Variants in ALKBH8 observed in about 807,000 individuals in gnomAD.
ALKBH8 encodes the protein tRNA (carboxymethyluridine(34)-5-O)-methyltransferase ALKBH8.
ALKBH8 carries 36 observed loss-of-function variants against 59.8 expected under a neutral mutation model. The ratio of observed to expected loss-of-function variants is 0.60; its 90% CI spans 0.46 to 0.79. ALKBH8 has a LOEUF of 0.79. ALKBH8 is among the 30% of genes least tolerant of loss of function. The probability of loss-of-function intolerance (pLI) is 0.00; values close to 1 mark genes in which losing one functional copy is unlikely to be tolerated. For missense variants in ALKBH8, 768 were observed against 801.0 expected (o/e 0.96, Z 0.50); for synonymous variants, 276 against 273.6 (o/e 1.01, Z -0.09).
chr11:107,545,166 T>G (rs1006998745), intron 7 of ALKBH8, among the ~76,000 whole-genome samples: 2 of 152,118 alleles, frequency 1.3e-5, no homozygotes, highest in African/African-American at 4.8e-5. Flanking sequence ...GAATTTGAGG[T>G]TGGAGATGAA....
rs879189547 is a variant in ALKBH8 at position 107,532,305 on chromosome 11, G to A, written c.873C>T (p.Thr291=). The change falls in exon 8 of 12, where the codon ACC becomes ACT. Residue 291 remains threonine, a synonymous_variant. Transcript: ENST00000428149. ...TGTCATATTTCAATACATACCCATG[G>A]GTCCAAAGGTATCTAGATTCTCCTG... The part of the protein sequence containing the change: ...VMTGESRYLW[T]HGITCRKFDT... 1.2e-6 allele frequency: 2 copies of A among 1,611,530 alleles called. No homozygotes were observed. Among genetic ancestry groups the A allele is most frequent in the Middle Eastern group, 1.7e-4 (1 of 6,056 alleles).
chr11:107,534,248 C>A (rs1400744903), intron 7 of ALKBH8, among the ~76,000 whole-genome samples: 1 of 152,056 alleles, frequency 6.6e-6, no homozygotes, highest in African/African-American at 2.4e-5. Flanking sequence ...TTAATAGAAG[C>A]CAAGGCCCAC....
At chr11:107,522,917 G>A (rs1231047962) in intron 9 of ALKBH8, among the ~76,000 whole-genome samples, 2 of 152,052 alleles carry the variant, frequency 1.3e-5, no homozygotes, top group East Asian at 3.9e-4. Context: ...ACAGTACAGA[G>A]GTTCTTCAAA....
At chr11:107,557,466 G>A (rs184690785) in intron 2 of ALKBH8, among the ~76,000 whole-genome samples, 4 of 152,224 alleles carry the variant, frequency 2.6e-5, no homozygotes, top group Non-Finnish European at 5.9e-5. Flanking sequence ...TTTCATAGAA[G>A]AAGATCTGAC....
intron 6 of ALKBH8, 131 bp from the exon 7 acceptor site, chr11:107,549,954 T>C (rs1864423062): frequency 1.6e-6 from 1 of 610,592 alleles, no homozygotes; most frequent in Non-Finnish European, 2.8e-6. Flanking sequence ...ATAATTTTGG[T>C]TAAAAGGAAA....
At chr11:107,507,712 G>A (rs1862448945) in intron 11 of ALKBH8, among the ~76,000 whole-genome samples, 1 of 152,124 alleles carries the variant, frequency 6.6e-6, no homozygotes, top group Non-Finnish European at 1.5e-5. Flanking sequence ...CGAAGCAGTG[G>A]TGTCAGGGAA....
At chr11:107,514,721 A>G (rs924433809) in intron 10 of ALKBH8, among the ~76,000 whole-genome samples, 2 of 152,150 alleles carry the variant, frequency 1.3e-5, no homozygotes, top group Non-Finnish European at 2.9e-5. Context: ...TTTTTGTTAC[A>G]TTTAAATTCG....
At chr11:107,546,292 T>G (rs911484305) in intron 7 of ALKBH8, among the ~76,000 whole-genome samples, 10 of 152,226 alleles carry the variant, frequency 6.6e-5, no homozygotes, top group African/African-American at 2.4e-4. Context: ...AACTGAGTTA[T>G]CTGCCCAACA....
At chr11:107,563,299 A>T (rs985641294) in intron 1 of ALKBH8, among the ~76,000 whole-genome samples, 2 of 152,176 alleles carry the variant, frequency 1.3e-5, no homozygotes, top group African/African-American at 4.8e-5. Context: ...GCGGGATTAA[A>T]TCACACTTTT....
chr11:107,513,980 G>A (rs1862749030), intron 10 of ALKBH8, among the ~76,000 whole-genome samples: 1 of 151,894 alleles, frequency 6.6e-6, no homozygotes, highest in African/African-American at 2.4e-5. Context: ...ATCTGTACAC[G>A]GAATCCCTGT....
At chr11:107,555,643 G>C (rs1864677039) in intron 3 of ALKBH8, among the ~76,000 whole-genome samples, 1 of 152,108 alleles carries the variant, frequency 6.6e-6, no homozygotes, top group Non-Finnish European at 1.5e-5. Context: ...GTCTGTAAAA[G>C]TTTTCCTTCG....
chr11:107,507,310 A>C (rs772624489), intron 11 of ALKBH8, among the ~76,000 whole-genome samples: 7 of 152,172 alleles, frequency 4.6e-5, no homozygotes, highest in Non-Finnish European at 7.4e-5. Flanking sequence ...AAAATGGCCA[A>C]AAAGCCCAGG....
chr11:107,551,694 CAAAAAA>C, intron 6 of ALKBH8, 108 bp downstream of exon 6: 1 of 239,982 alleles, frequency 4.2e-6, no homozygotes. Context: ...AACTCCATCT[CAAAAAA>C]AAAAAAATAA....
chr11:107,505,192 T>G lies in ALKBH8; in HGVS notation c.1461A>C (p.Gln487His), dbSNP rs1421221302. 3 of 1,547,346 alleles carry G rather than the reference T, an allele frequency of 1.9e-6. No individual in the cohort carries two copies. Among genetic ancestry groups the G allele is most frequent in the Non-Finnish European group, 2.6e-6 (3 of 1,144,612 alleles). ...CTGGTCTCAGGAGTCGAACAATTTC[T>G]TGGAGAGCTGCCACTCTACGCTCCT... ...ATAERRVAAL[Q>H]EIVRLLRPGG... The change falls in exon 12 of 12, where the codon CAA becomes CAC. Residue 487 changes from glutamine to histidine, a missense_variant. Coordinates refer to ENST00000428149, the MANE Select transcript of ALKBH8 (RefSeq NM_138775.3).
At position 107,505,048 on chromosome 11, in the gene ALKBH8, G is replaced by A; in HGVS notation, c.1605C>T (p.Thr535=). ...QGKKEEMNSD[T]SVQRSLVEQM... is the part of the protein sequence containing the mutation. Reference sequence around the variant, plus strand: ...GCTCCACAAGTGACCTCTGCACTGAGGTATCACTGTTCATCTCCTCTTTCT... The same window carrying A: ...GCTCCACAAGTGACCTCTGCACTGAAGTATCACTGTTCATCTCCTCTTTCT... Residue 535 remains threonine (T), a synonymous_variant, in exon 12 of 12, where the codon ACC becomes ACT. Coordinates refer to ENST00000428149, the MANE Select transcript of ALKBH8 (RefSeq NM_138775.3). 1.3e-6 allele frequency: 2 copies of A among 1,551,586 alleles called. No individual in the cohort carries two copies. Among genetic ancestry groups the A allele is most frequent in the South Asian group, 1.2e-5 (1 of 84,046 alleles).
At chr11:107,520,331 T>C (rs182994573) in intron 10 of ALKBH8, among the ~76,000 whole-genome samples, 7 of 152,348 alleles carry the variant, frequency 4.6e-5, no homozygotes, top group African/African-American at 9.6e-5. Context: ...AGTGTACTTA[T>C]GATTTTCTAA....
intron 9 of ALKBH8, among the ~76,000 whole-genome samples, chr11:107,522,881 G>A (rs78259409): frequency 0.017 from 2,534 of 152,158 alleles, 84 homozygotes; most frequent in African/African-American, 0.058. Flanking sequence ...TGGTGGGAAT[G>A]TAAATTAGAA....
intron 1 of ALKBH8, chr11:107,563,513 G>A (rs1216873823): frequency 6.6e-6 from 1 of 151,890 alleles, no homozygotes; most frequent in Non-Finnish European, 1.5e-5. Context: ...AGCTTTCTTA[G>A]AATTAAATTT....
At chr11:107,537,281 A>G (rs1197701387) in intron 7 of ALKBH8, among the ~76,000 whole-genome samples, 2 of 152,250 alleles carry the variant, frequency 1.3e-5, no homozygotes, top group East Asian at 1.9e-4. Context: ...GTGATTCCCA[A>G]TAGCAAAGAC....
Sources: gnomAD v4.1 joint callset for allele counts (sites outside exome capture counted in the v4.1 genomes callset) on GRCh38, gnomAD v4.1.1 for gene constraint, MANE v1.5 for transcripts, NCBI Gene and HGNC (gene_info 2026-07-23, HGNC 2026-07-21) for gene names.